Variants in BRMS1L observed in about 807,000 individuals in gnomAD.
BRMS1L encodes breast cancer metastasis-suppressor 1-like protein.
BRMS1L carries 23 observed loss-of-function variants against 50.3 expected under a neutral mutation model. The ratio of observed to expected loss-of-function variants is 0.46; its 90% CI spans 0.33 to 0.65. BRMS1L has a LOEUF of 0.65. Ranked by LOEUF, BRMS1L falls within the 30% of genes least tolerant of loss-of-function variation. The pLI is 0.02. For synonymous variants in BRMS1L, 114 were observed against 126.9 expected, an observed-to-expected ratio of 0.90 and a Z score of 0.69; for missense variants, 286 against 386.1, an observed-to-expected ratio of 0.74 and a Z score of 2.17.
intron 4 of BRMS1L, among the ~76,000 whole-genome samples, chr14:35,846,083 T>C (rs1324161906): frequency 1.3e-5 from 2 of 152,170 alleles, no homozygotes; most frequent in Admixed American, 1.3e-4. Context: ...AACCAAAGTA[T>C]AGTCATCAAA....
At chr14:35,841,066 G>C (rs538261950) in intron 4 of BRMS1L, among the ~76,000 whole-genome samples, 71 of 152,094 alleles carry the variant, frequency 4.7e-4, no homozygotes, top group Non-Finnish European at 9.7e-4. Context: ...GTTCTCACTG[G>C]TTTCAAATAA....
At chr14:35,839,754 G>T (rs1021239495) in intron 4 of BRMS1L, among the ~76,000 whole-genome samples, 5 of 152,172 alleles carry the variant, frequency 3.3e-5, no homozygotes. Context: ...TTGCTTATCA[G>T]CTTAAGGAGA....
intron 6 of BRMS1L, 57 bp downstream of exon 6, chr14:35,864,010 C>A: frequency 7.6e-7 from 1 of 1,314,464 alleles, no homozygotes; most frequent in Non-Finnish European, 1.1e-6. Context: ...TTCCATTGTG[C>A]ATGCCTTTAT....
At chr14:35,855,706 TTA>T (rs1384708539) in intron 4 of BRMS1L, among the ~76,000 whole-genome samples, 3 of 152,248 alleles carry the variant, frequency 2.0e-5, no homozygotes, top group Non-Finnish European at 4.4e-5. Context: ...AAATCATCTA[TTA>T]TATAATTAAT....
chr14:35,856,647 T>C (rs1257678647), intron 4 of BRMS1L, among the ~76,000 whole-genome samples: 1 of 152,004 alleles, frequency 6.6e-6, no homozygotes. Flanking sequence ...AGTCTTGTTC[T>C]GTCACCCCGG....
At chr14:35,849,454 G>GTTTTA (rs1181594564) in intron 4 of BRMS1L, among the ~76,000 whole-genome samples, 36 of 150,510 alleles carry the variant, frequency 2.4e-4, no homozygotes, top group Non-Finnish European at 3.6e-4. Context: ...TACCTGGCTA[G>GTTTTA]TTTTATTTTA....
intron 1 of BRMS1L, among the ~76,000 whole-genome samples, chr14:35,827,542 CTT>C (rs1334139267): frequency 6.6e-6 from 1 of 152,194 alleles, no homozygotes; most frequent in East Asian, 1.9e-4. Flanking sequence ...CAGATGCCCT[CTT>C]TTCATGTTTC....
At chr14:35,829,842 C>T (rs1257635729) in intron 1 of BRMS1L, 2 of 1,256,368 alleles carry the variant, frequency 1.6e-6, no homozygotes, top group Non-Finnish European at 1.0e-6. Flanking sequence ...TTTTGTGCTT[C>T]AGTTATTTTG....
intron 4 of BRMS1L, among the ~76,000 whole-genome samples, chr14:35,854,993 GC>G (rs2078261860): frequency 6.6e-6 from 1 of 152,222 alleles, no homozygotes; most frequent in African/African-American, 2.4e-5. Flanking sequence ...TACTGCCTAG[GC>G]AGAGACAGAC....
At chr14:35,837,165 GA>G (rs2078005942) in intron 4 of BRMS1L, among the ~76,000 whole-genome samples, 1 of 152,046 alleles carries the variant, frequency 6.6e-6, no homozygotes, top group African/African-American at 2.4e-5. Context: ...TGAGACAGGA[GA>G]ATTGCTTGAA....
rs770965026 is a variant in BRMS1L at position 35,868,026 on chromosome 14, C to T, written c.848C>T (p.Pro283Leu). ...TGTATTGATAAAAAAGATGAATGTC[C>T]TACAAGGTAAAAAAGCCTTTGTTAT... ...TICIDKKDEC[P>L]TSAVITTINH... The change falls in exon 9 of 10, where the codon CCT becomes CTT. Residue 283 changes from proline to leucine, a missense_variant. Around this residue, in one of 5 missense-constraint regions of BRMS1L, gnomAD observed 49 missense variants for 39.1 expected, o/e 1.25. Coordinates refer to ENST00000216807, the MANE Select transcript of BRMS1L (RefSeq NM_032352.4). 2.5e-6 allele frequency: 4 copies of T among 1,590,222 alleles called. No individual in the cohort carries two copies. Among genetic ancestry groups the T allele is most frequent in the South Asian group, 1.2e-5 (1 of 86,414 alleles).
chr14:35,833,312 A>G (rs2077949758), intron 3 of BRMS1L, among the ~76,000 whole-genome samples: 1 of 152,022 alleles, frequency 6.6e-6, no homozygotes, highest in Admixed American at 6.6e-5. Context: ...TAAAAAAAAA[A>G]AAAGCCCTCA....
intron 8 of BRMS1L, 73 bp downstream of exon 8, chr14:35,865,834 T>A: frequency 7.8e-7 from 1 of 1,288,888 alleles, no homozygotes; most frequent in Non-Finnish European, 1.1e-6. Context: ...ATCTACGTAC[T>A]AAAGAACTCT....
At chr14:35,827,659 A>G (rs1339547746) in intron 1 of BRMS1L, among the ~76,000 whole-genome samples, 2 of 152,264 alleles carry the variant, frequency 1.3e-5, no homozygotes, top group African/African-American at 2.4e-5. Flanking sequence ...ACAGTACTCA[A>G]TATGAGGGAT....
chr14:35,839,759 A>G (rs1418396747), intron 4 of BRMS1L, among the ~76,000 whole-genome samples: 1 of 152,218 alleles, frequency 6.6e-6, no homozygotes, highest in East Asian at 1.9e-4. Context: ...TATCAGCTTA[A>G]GGAGATTTTG....
At chr14:35,826,736 C>T in intron 1 of BRMS1L, 78 bp downstream of exon 1, 6 of 1,559,168 alleles carry the variant, frequency 3.8e-6, no homozygotes, top group Non-Finnish European at 5.2e-6. Context: ...CAGGCGGCTG[C>T]GTCCTGCTGG....
At chr14:35,834,971 C>A in intron 4 of BRMS1L, 48 bp downstream of exon 4, 4 of 1,442,110 alleles carry the variant, frequency 2.8e-6, no homozygotes, top group Admixed American at 2.0e-5. Flanking sequence ...CTCTTCAAGC[C>A]TTTTCTGAGT....
At chr14:35,860,246 C>G (rs1482927778) in intron 4 of BRMS1L, among the ~76,000 whole-genome samples, 2 of 152,094 alleles carry the variant, frequency 1.3e-5, no homozygotes, top group Non-Finnish European at 2.9e-5. Flanking sequence ...TCTAGTGCCT[C>G]AGCCTCCTGA....
intron 8 of BRMS1L, 91 bp from the exon 9 acceptor site, chr14:35,867,815 G>A: frequency 7.9e-7 from 1 of 1,259,836 alleles, no homozygotes. Flanking sequence ...TTTTACATAT[G>A]CATGGATTGA....
Sources: allele counts gnomAD v4.1 joint callset (sites outside exome capture counted in the v4.1 genomes callset), GRCh38; gene constraint gnomAD v4.1.1; regional missense constraint gnomAD v4.1.1; transcripts MANE v1.5; gene names NCBI Gene and HGNC (gene_info 2026-07-23, HGNC 2026-07-21).